Variants in CCDC3 observed in about 807,000 individuals in gnomAD.
The protein encoded by CCDC3 is coiled-coil domain-containing protein 3.
CCDC3 carries 24 observed loss-of-function variants against 21.4 expected under a neutral mutation model. The observed-to-expected ratio is 1.12, with a 90% CI of 0.81 to 1.58. CCDC3 has a LOEUF of 1.58. Among genes scored for constraint, CCDC3 ranks in the 40% most tolerant of loss-of-function variants. The pLI, the probability that CCDC3 is intolerant of heterozygous loss-of-function variation, is 0.00. For synonymous variants in CCDC3, 186 were observed against 166.0 expected, an observed-to-expected ratio of 1.12 and a Z score of -0.93; for missense variants, 425 against 360.9, an observed-to-expected ratio of 1.18 and a Z score of -1.44.
chr10:12,998,334 T>C lies in CCDC3; in HGVS notation c.549+4A>G, dbSNP rs370250264. ...CTGTGGCACAGGATTTAGCCAATTC[T>C]TACCCTACTGTCTTCCTGGATTTCC... On this transcript the variant is annotated splice_donor_region_variant and intron_variant, in intron 2 of 2. Coordinates refer to ENST00000378825, the MANE Select transcript of CCDC3 (RefSeq NM_031455.4). 35 of 1,613,382 alleles carry C rather than the reference T, an allele frequency of 2.2e-5. No homozygotes were observed. Among genetic ancestry groups the C allele is most frequent in the Non-Finnish European group, 1.8e-5 (21 of 1,179,752 alleles).
At chr10:13,083,193 C>A (rs1205959881) in intron 3 of CCDC3, among the ~76,000 whole-genome samples, 1 of 152,160 alleles carries the variant, frequency 6.6e-6, no homozygotes, top group Non-Finnish European at 1.5e-5. Context: ...TGTAGAGGAC[C>A]TTTACTGGAC....
At chr10:12,925,565 G>T (rs1306540066) in intron 2 of CCDC3, among the ~76,000 whole-genome samples, 1 of 152,196 alleles carries the variant, frequency 6.6e-6, no homozygotes, top group Non-Finnish European at 1.5e-5. Flanking sequence ...TTTAAAAAAT[G>T]CACAACTGCC....
intron 3 of CCDC3, among the ~76,000 whole-genome samples, chr10:13,082,113 G>C (rs934592063): frequency 2.6e-5 from 4 of 152,220 alleles, no homozygotes; most frequent in Admixed American, 6.5e-5. Flanking sequence ...ACAAGACAAA[G>C]TGATAGAAGA....
chr10:13,006,328 A>G (rs778931742), upstream of CCDC3, among the ~76,000 whole-genome samples: 15 of 152,232 alleles, frequency 9.9e-5, no homozygotes, highest in Admixed American at 9.8e-4. Flanking sequence ...GCTGGGAGAC[A>G]TATCAATTTG....
chr10:13,072,957 C>A (rs1290710688), intron 4 of CCDC3, among the ~76,000 whole-genome samples: 2 of 149,710 alleles, frequency 1.3e-5, no homozygotes, highest in Non-Finnish European at 3.0e-5. Context: ...ACCTCCACCT[C>A]CTGGGTTCAA....
intron 2 of CCDC3, among the ~76,000 whole-genome samples, chr10:12,967,155 C>T (rs972097315): frequency 1.2e-4 from 19 of 152,288 alleles, no homozygotes; most frequent in South Asian, 4.1e-4. Context: ...GTTCCATATG[C>T]AATGTATTGA....
chr10:12,936,482 C>CCCAAAGTGCTGGGATTACAGGGTACT (rs1834740352), intron 2 of CCDC3, among the ~76,000 whole-genome samples: 1 of 152,138 alleles, frequency 6.6e-6, no homozygotes, highest in Non-Finnish European at 1.5e-5. Flanking sequence ...ACTTCAGCCT[C>CCCAAAGTGCTGGGATTACAGGGTACT]CCAAAGTGCT....
intron 4 of CCDC3, among the ~76,000 whole-genome samples, chr10:13,072,563 G>A (rs1369310762): frequency 6.6e-6 from 1 of 152,180 alleles, no homozygotes; most frequent in African/African-American, 2.4e-5. Flanking sequence ...GAATGGGGTG[G>A]AGCCACAGGC....
At chr10:12,934,063 T>C (rs1339324290) in intron 2 of CCDC3, among the ~76,000 whole-genome samples, 1 of 152,242 alleles carries the variant, frequency 6.6e-6, no homozygotes, top group African/African-American at 2.4e-5. Flanking sequence ...TCTTTCCTAA[T>C]ATATGCATTT....
intron 2 of CCDC3, among the ~76,000 whole-genome samples, chr10:12,941,306 T>C (rs1834828178): frequency 6.6e-6 from 1 of 152,198 alleles, no homozygotes; most frequent in Admixed American, 6.5e-5. Context: ...TTGTTTAGCA[T>C]ATTACAAAGA....
chr10:13,058,736 A>G (rs1012916383), intron 4 of CCDC3: 1 of 248,598 alleles, frequency 4.0e-6, no homozygotes, highest in Non-Finnish European at 7.8e-6. Context: ...TATTACTTGC[A>G]GTTAAAGAAA....
At chr10:13,018,613 T>C (rs528627198) in intron 5 of CCDC3, among the ~76,000 whole-genome samples, 1 of 152,168 alleles carries the variant, frequency 6.6e-6, no homozygotes, top group Non-Finnish European at 1.5e-5. Flanking sequence ...TTCGTCTTAG[T>C]GGGATATTAT....
At chr10:13,084,803 G>A (rs371963657) in intron 3 of CCDC3, among the ~76,000 whole-genome samples, 7 of 152,186 alleles carry the variant, frequency 4.6e-5, no homozygotes, top group African/African-American at 1.4e-4. Flanking sequence ...GCAAAGCCAT[G>A]AGAAGGAGTG....
intron 4 of CCDC3, among the ~76,000 whole-genome samples, chr10:13,054,446 G>A (rs559255111): frequency 3.9e-5 from 6 of 152,012 alleles, no homozygotes; most frequent in African/African-American, 1.4e-4. Flanking sequence ...CCAAAAACTC[G>A]CTGTTTGTTT....
At position 12,998,479 on chromosome 10, in the gene CCDC3, T is replaced by C. The variant is rs150790701; in HGVS notation, c.408A>G (p.Gly136=). The C allele has an allele frequency of 7.6e-5, 123 of 1,614,118 alleles. No homozygotes were observed. The African/African-American group carries it at 1.6e-3, about 21-fold the overall frequency. ...MDENYNLLPH[G]VNFQDAIFPD... is the part of the protein sequence containing the mutation. ...GGAAGATGGCATCTTGGAAATTGAC[T>C]CCGTGAGGCAAGAGGTTATAATTTT... The change falls in exon 2 of 3, where the codon GGA becomes GGG. Residue 136 remains glycine (G), a synonymous_variant. Transcript: ENST00000378825.
chr10:12,909,179 T>C (rs1834225891), intron 2 of CCDC3, among the ~76,000 whole-genome samples: 1 of 152,116 alleles, frequency 6.6e-6, no homozygotes, highest in Non-Finnish European at 1.5e-5. Flanking sequence ...TCACGGCCAG[T>C]TAATTCTCTC....
At chr10:13,005,339 T>A (rs778504005), upstream of CCDC3, among the ~76,000 whole-genome samples, 3 of 152,230 alleles carry the variant, frequency 2.0e-5, no homozygotes, top group Non-Finnish European at 4.4e-5. Context: ...GTCAAAGGAA[T>A]CTAAGCCACT....
intron 2 of CCDC3, among the ~76,000 whole-genome samples, chr10:12,926,003 A>T (rs755254): frequency 0.15 from 22,088 of 152,244 alleles, 2,001 homozygotes; most frequent in East Asian, 0.42. Flanking sequence ...GGTACTTGAG[A>T]TGCTATGCCC....
intron 5 of CCDC3, among the ~76,000 whole-genome samples, chr10:13,031,554 G>C (rs556113849): frequency 2.4e-4 from 36 of 152,080 alleles, no homozygotes; most frequent in Non-Finnish European, 1.3e-4. Context: ...AATAAATACA[G>C]GAGCTGGTTT....
Sources: allele counts gnomAD v4.1 joint callset (sites outside exome capture counted in the v4.1 genomes callset), GRCh38; gene constraint gnomAD v4.1.1; transcripts MANE v1.5; gene names NCBI Gene and HGNC (gene_info 2026-07-23, HGNC 2026-07-21).